XKR9: variants seen among roughly 807,000 people sequenced by gnomAD.
XKR9 encodes the protein XK related 9.
Under a neutral mutation model 32.0 loss-of-function variants are expected in XKR9, and 32 were observed. That is an observed-to-expected ratio of 1.00 (90% CI 0.76 to 1.34). XKR9 has a LOEUF of 1.34. XKR9 is among the 40% of genes most tolerant of loss of function. XKR9 has a pLI of 0.00. For missense variants in XKR9, 546 were observed against 429.7 expected (o/e 1.27, Z -2.39); for synonymous variants, 168 against 143.4 (o/e 1.17, Z -1.22).
the XKR9 span, among the ~76,000 whole-genome samples, chr8:70,848,841 A>C: frequency 6.6e-6 from 1 of 152,262 alleles, no homozygotes; most frequent in African/African-American, 2.4e-5. Flanking sequence ...CAAAAACCAA[A>C]AAACACAAAG....
the XKR9 span, among the ~76,000 whole-genome samples, chr8:70,892,221 T>G: frequency 1.3e-5 from 2 of 152,104 alleles, no homozygotes; most frequent in South Asian, 4.1e-4. Flanking sequence ...TGTGCATCTT[T>G]TAATAGGGGA....
the XKR9 span, among the ~76,000 whole-genome samples, chr8:70,979,818 G>T: frequency 6.6e-6 from 1 of 152,210 alleles, no homozygotes; most frequent in Non-Finnish European, 1.5e-5. Context: ...GTTTAAGTCT[G>T]CAGAAGTTTC....
At position 70,754,192 on chromosome 8, in the gene XKR9, G is replaced by A. The variant is rs1213279117; in HGVS notation, n.353-35147G>A. 1.6e-4 allele frequency among the ~76,000 whole-genome samples: 23 copies of A among 148,110 alleles called. 3 individuals are homozygous for A. Among genetic ancestry groups the A allele is most frequent in the Admixed American group, 4.5e-4 (6 of 13,246 alleles). On this transcript the variant is annotated intron_variant and non_coding_transcript_variant, in intron 2 of 3. Coordinates refer to the XKR9 transcript ENST00000520273. ...TGCTACAAAGAGAATAAAATACTTA[G>A]GAATCAACTTACAAGGGATGTGAAG...
the XKR9 span, among the ~76,000 whole-genome samples, chr8:70,951,870 G>T: frequency 1.1e-4 from 11 of 103,890 alleles, no homozygotes; most frequent in East Asian, 2.1e-3. Flanking sequence ...GCATCATTGG[G>T]GGGGGGGTGG....
intron 4 of XKR9, among the ~76,000 whole-genome samples, chr8:70,707,923 C>T (rs1805776706): frequency 1.3e-5 from 2 of 151,930 alleles, no homozygotes; most frequent in African/African-American, 4.8e-5. Flanking sequence ...AAATAATAAT[C>T]ACAAATTGCA....
the XKR9 span, among the ~76,000 whole-genome samples, chr8:70,986,175 A>G: frequency 1.8e-4 from 27 of 152,388 alleles, no homozygotes; most frequent in African/African-American, 6.5e-4. Flanking sequence ...TAACAAAGTT[A>G]AAATGAAATA....
At chr8:71,029,412 A>G in the XKR9 span, among the ~76,000 whole-genome samples, 2 of 152,172 alleles carry the variant, frequency 1.3e-5, no homozygotes, top group Non-Finnish European at 2.9e-5. Context: ...CAAAAGAGTA[A>G]TCCAAAGTGG....
chr8:70,935,118 T>TATATATAC, the XKR9 span, among the ~76,000 whole-genome samples: 1 of 147,144 alleles, frequency 6.8e-6, no homozygotes, highest in South Asian at 2.1e-4. Flanking sequence ...TATATATATA[T>TATATATAC]ATACACACAC....
chr8:71,047,588 C>G, the XKR9 span, among the ~76,000 whole-genome samples: 2 of 152,194 alleles, frequency 1.3e-5, no homozygotes, highest in African/African-American at 2.4e-5. Flanking sequence ...CCAGGCTCAT[C>G]CCTTAGGTAA....
chr8:71,021,269 A>G, the XKR9 span, among the ~76,000 whole-genome samples: 24 of 152,242 alleles, frequency 1.6e-4, no homozygotes, highest in Middle Eastern at 3.4e-3. Flanking sequence ...ACTGGGGATC[A>G]TGATTAGTGA....
chr8:70,721,543 T>C (rs35954749), intron 4 of XKR9, among the ~76,000 whole-genome samples: 61,248 of 151,890 alleles, frequency 0.4, 13,878 homozygotes, highest in Non-Finnish European at 0.52. Flanking sequence ...TTATTTCTGT[T>C]TTTATTTTGT....
intron 2 of XKR9, among the ~76,000 whole-genome samples, chr8:70,777,175 C>T (rs1586894294): frequency 1.3e-5 from 2 of 151,548 alleles, no homozygotes; most frequent in Admixed American, 1.3e-4. Flanking sequence ...TCTCATTGTT[C>T]AACTCCCATT....
At chr8:70,783,034 G>A (rs1163384378) in intron 2 of XKR9, among the ~76,000 whole-genome samples, 1 of 152,002 alleles carries the variant, frequency 6.6e-6, no homozygotes, top group East Asian at 1.9e-4. Flanking sequence ...TACATTCCTA[G>A]CAATAATAGA....
intron 2 of XKR9, among the ~76,000 whole-genome samples, chr8:70,747,805 G>T (rs1317793631): frequency 6.6e-6 from 1 of 152,102 alleles, no homozygotes; most frequent in Admixed American, 6.5e-5. Flanking sequence ...ACTGGAGTTT[G>T]ATTCCTAGAC....
At chr8:71,005,414 G>A in the XKR9 span, among the ~76,000 whole-genome samples, 2 of 151,740 alleles carry the variant, frequency 1.3e-5, no homozygotes, top group African/African-American at 2.4e-5. Context: ...GGTAGAGACC[G>A]GGTTTCATCA....
intron 1 of XKR9, among the ~76,000 whole-genome samples, chr8:70,671,164 C>T (rs1467089946): frequency 2.6e-5 from 4 of 152,174 alleles, no homozygotes; most frequent in Non-Finnish European, 5.9e-5. Flanking sequence ...CTTTGGTCTC[C>T]CAAAGTGCTA....
At chr8:70,689,945 G>T (rs1447690822) in intron 3 of XKR9, among the ~76,000 whole-genome samples, 1 of 152,078 alleles carries the variant, frequency 6.6e-6, no homozygotes, top group East Asian at 1.9e-4. Context: ...TAGGAGTAGG[G>T]TAGAGTTTTC....
chr8:71,022,517 G>A, the XKR9 span, among the ~76,000 whole-genome samples: 1 of 152,166 alleles, frequency 6.6e-6, no homozygotes, highest in Non-Finnish European at 1.5e-5. Context: ...CCTGAAGAGT[G>A]GCTAGATTTT....
At chr8:70,728,623 GAA>G (rs926590767) in intron 4 of XKR9, among the ~76,000 whole-genome samples, 2 of 152,202 alleles carry the variant, frequency 1.3e-5, no homozygotes, top group African/African-American at 4.8e-5. Flanking sequence ...CCAAACTGCA[GAA>G]AAAAACTCAA....
Sources: gnomAD v4.1 joint callset for allele counts (sites outside exome capture counted in the v4.1 genomes callset) on GRCh38, gnomAD v4.1.1 for gene constraint, MANE v1.5 for transcripts, NCBI Gene and HGNC (gene_info 2026-07-23, HGNC 2026-07-21) for gene names.